Variants in GPR78 observed in about 807,000 individuals in gnomAD.
The protein encoded by GPR78 is G protein-coupled receptor 78.
In GPR78, 29 loss-of-function variants were observed where a neutral mutation model predicts 17.9. That is an observed-to-expected ratio of 1.62 (90% confidence interval 1.20 to 2.21). The LOEUF (loss-of-function observed/expected upper bound fraction) is 2.21, where lower values mean the gene tolerates loss of function less well. Ranked by LOEUF, GPR78 falls within the 30% of genes most tolerant of loss-of-function variation. The pLI, the probability that GPR78 is intolerant of heterozygous loss-of-function variation, is 0.00. For synonymous variants in GPR78, 349 were observed against 256.9 expected, an observed-to-expected ratio of 1.36 and a Z score of -3.43; for missense variants, 649 against 530.5, an observed-to-expected ratio of 1.22 and a Z score of -2.19.
rs142529358 is a variant in GPR78 at position 8,588,073 on chromosome 4, C to T, written c.*710C>T. On this transcript the variant is annotated 3_prime_UTR_variant, in exon 3 of 3. Coordinates refer to ENST00000382487, the MANE Select transcript of GPR78 (RefSeq NM_080819.5). ...TGCCAGGGGTTTGGCATCTTGACTG[C>T]GGAAGCTGTGGAGTCTGTGTGCTCA... Among the ~76,000 whole-genome samples the T allele has an allele frequency of 3.9e-5, 6 of 152,322 alleles. No homozygotes were observed. The highest frequency in any genetic ancestry group is 1.9e-4 in the East Asian group (1 of 5,176).
chr4:8,588,641 T>C lies in GPR78; in HGVS notation c.*1278T>C, dbSNP rs1713613258. Among the ~76,000 whole-genome samples the C allele has an allele frequency of 6.6e-6, 1 of 152,246 alleles. No individual in the cohort carries two copies. The highest frequency in any genetic ancestry group is 2.1e-4 in the South Asian group (1 of 4,834). On this transcript the variant is annotated 3_prime_UTR_variant, in exon 3 of 3. Transcript: ENST00000382487. ...CAGGCCCCTGCCTCATGGGACTCTC[T>C]GATGGGCTTCAACCGTGGGCTCTTG...
Position 8,582,547 on chromosome 4 carries a change from C to T in GPR78, c.685C>T (p.Leu229Phe). The change falls in exon 2 of 3, where the codon CTC becomes TTC. Residue 229 changes from leucine to phenylalanine, a missense_variant. Coordinates refer to ENST00000382487, the MANE Select transcript of GPR78 (RefSeq NM_080819.5). ...DLHPSVRQRC[L>F]IQQKRRRHRA... is the part of the protein sequence containing the mutation. ...TCCCCACAGTGTGCGGCAGCGCTGC[C>T]TCATCCAGCAGAAGCGGCGCCGCCA... 6.2e-7 allele frequency: 1 copy of T among 1,609,010 alleles called. No individual in the cohort carries two copies. The highest frequency in any genetic ancestry group is 8.5e-7 in the Non-Finnish European group (1 of 1,179,190).
Position 8,587,229 on chromosome 4 carries a change from G to A in GPR78, c.958G>A (p.Ala320Thr), listed in dbSNP as rs1297357977. ...GCTGCTGAAGAGAACCCCGCGCCCAGCATCCACCCATGACAGCTCTCTGGA... is the reference window on the plus strand; with the variant it reads ...GCTGCTGAAGAGAACCCCGCGCCCAACATCCACCCATGACAGCTCTCTGGA... ...HRLLKRTPRPASTHDSSLDVA... is the reference protein window; with the variant it reads ...HRLLKRTPRPTSTHDSSLDVA... The change falls in exon 3 of 3, where the codon GCA becomes ACA. Residue 320 changes from alanine to threonine, a missense_variant. Transcript: ENST00000382487. 2 of 1,606,634 alleles carry A rather than the reference G, an allele frequency of 1.2e-6. No homozygotes were observed. Among genetic ancestry groups the A allele is most frequent in the East Asian group, 2.2e-5 (1 of 44,834 alleles).
rs981681676 is a variant in GPR78 at position 8,580,784 on chromosome 4, G to C, written c.-199G>C. 5.8e-5 allele frequency: 35 copies of C among 602,110 alleles called. No homozygotes were observed. The African/African-American group carries it at 6.5e-4, about 11-fold the overall frequency. The allele number at this position is 602,110 out of a possible 1,614,324, so 37.3% of individuals were successfully genotyped here. On this transcript the variant is annotated 5_prime_UTR_variant, in exon 1 of 3. Transcript: ENST00000382487. ...CCCCGGGCTGCTCCTGCTCCGCAGA[G>C]CTACGCCCTCCCCCCGGGTGCCCCG...
Position 8,587,957 on chromosome 4 carries a change from G to A in GPR78, c.*594G>A, listed in dbSNP as rs1401297196. ...CCCTGGGACATGCCCATCTCTGGAA[G>A]CCTAGGGGTCCCCAGCTCCAGGCCT... On this transcript the variant is annotated 3_prime_UTR_variant, in exon 3 of 3. Transcript: ENST00000382487. 6.6e-6 allele frequency among the ~76,000 whole-genome samples: 1 copy of A among 152,210 alleles called. No individual in the cohort carries two copies. The highest frequency in any genetic ancestry group is 1.5e-5 in the Non-Finnish European group (1 of 68,032).
intron 1 of GPR78, 115 bp from the exon 2 acceptor site, chr4:8,582,416 G>A: frequency 1.5e-6 from 1 of 682,894 alleles, no homozygotes; most frequent in Non-Finnish European, 2.6e-6. Context: ...TCAGGTTCCA[G>A]GCTAAACATC....
At position 8,580,973 on chromosome 4, in the gene GPR78, C is replaced by T. The variant is rs376192309; in HGVS notation, c.-10C>T. The stretch of plus-strand genomic sequence containing the variant: ...GAGAACCCCAGGGTGCCTGGCGAGC[C>T]GCTAGCGCCATGGGCCCCGGCGAGG... On this transcript the variant is annotated 5_prime_UTR_variant, in exon 1 of 3. Coordinates refer to ENST00000382487, the MANE Select transcript of GPR78 (RefSeq NM_080819.5). 3.5e-5 allele frequency: 54 copies of T among 1,557,880 alleles called. No homozygotes were observed. The highest frequency in any genetic ancestry group is 1.1e-4 in the African/African-American group (8 of 73,710).
At chr4:8,584,345 A>G (rs1030718198) in intron 2 of GPR78, among the ~76,000 whole-genome samples, 4 of 152,152 alleles carry the variant, frequency 2.6e-5, no homozygotes, top group African/African-American at 9.7e-5. Flanking sequence ...ATCCCAAACA[A>G]AGTCATGAAG....
rs1264331484 is a variant in GPR78 at position 8,582,528 on chromosome 4, CAG to C, written c.669-2_669-1del. 6.3e-7 allele frequency: 1 copy of C among 1,598,484 alleles called. No individual in the cohort carries two copies. The highest frequency in any genetic ancestry group is 2.2e-5 in the East Asian group (1 of 44,844). The stretch of plus-strand genomic sequence containing the variant: ...TCCTGACCACTGTCCTCTGTCCCCA[CAG>C]TGTGCGGCAGCGCTGCCTCATCCAG... On this transcript the variant is annotated splice_acceptor_variant, in intron 1 of 2. Transcript: ENST00000382487. LOFTEE classifies it high-confidence loss of function.
At chr4:8,584,136 T>C (rs1407286375) in intron 2 of GPR78, among the ~76,000 whole-genome samples, 1 of 152,186 alleles carries the variant, frequency 6.6e-6, no homozygotes, top group Non-Finnish European at 1.5e-5. Flanking sequence ...TACATATGTG[T>C]AGAAGGTGAG....
chr4:8,582,980 A>C, intron 2 of GPR78: 1 of 196,376 alleles, frequency 5.1e-6, no homozygotes. Context: ...CAGACTCCGC[A>C]TCTCCTGGGC....
In GPR78 at chr4:8,581,633, C is replaced by A; in HGVS notation, c.651C>A (p.Leu217=). ...DTVTMKALAL[L]ADLHPSVRQR... Reference sequence around the variant, plus strand: ...TCACCATGAAGGCGCTCGCGCTGCTCGCCGACCTGCACCCCAGGTATTGGC... The same window carrying A: ...TCACCATGAAGGCGCTCGCGCTGCTAGCCGACCTGCACCCCAGGTATTGGC... The change falls in exon 1 of 3, where the codon CTC becomes CTA. Residue 217 remains leucine, a synonymous_variant. Transcript: ENST00000382487. 1 of 1,486,550 alleles carries A rather than the reference C, an allele frequency of 6.7e-7. No individual in the cohort carries two copies. The allele number at this position is 1,486,550 out of a possible 1,614,324, so 92.1% of individuals were successfully genotyped here.
At position 8,589,652 on chromosome 4, in the gene GPR78, C is replaced by T. The variant is rs930540324; in HGVS notation, c.*2289C>T. Among the ~76,000 whole-genome samples the T allele has an allele frequency of 2.6e-5, 4 of 152,258 alleles. No individual in the cohort carries two copies. Among genetic ancestry groups the T allele is most frequent in the Non-Finnish European group, 5.9e-5 (4 of 68,048 alleles). On this transcript the variant is annotated 3_prime_UTR_variant, in exon 3 of 3. Coordinates refer to ENST00000382487, the MANE Select transcript of GPR78 (RefSeq NM_080819.5). ...GGGCCTACACTCTGTGTTATTGCAT[C>T]TCCGCCAGGCTAAAAGCCTTGGTCA...
At position 8,581,566 on chromosome 4, in the gene GPR78, T is replaced by G; in HGVS notation, c.584T>G (p.Val195Gly). 3 of 1,579,882 alleles carry G rather than the reference T, an allele frequency of 1.9e-6. No homozygotes were observed. In the South Asian group the frequency reaches 3.4e-5, roughly 18 times the overall value. ...GTGCTCTGCCTCACCTCGCTCCAGG[T>G]GCACCGGGTGGCACGCAGACACTGC... ...LAVLCLTSLQVHRVARRHCQR... is the reference protein window; with the variant it reads ...LAVLCLTSLQGHRVARRHCQR... The change falls in exon 1 of 3, where the codon GTG (valine) becomes GGG (glycine). Residue 195 changes from valine to glycine, a missense_variant. By Grantham distance (109) the Val-to-Gly change is moderately radical (BLOSUM62 -3). Coordinates refer to ENST00000382487, the MANE Select transcript of GPR78 (RefSeq NM_080819.5).
In GPR78 at chr4:8,587,138, C is replaced by T. The variant is rs143856066; in HGVS notation, c.867C>T (p.Ala289=). Residue 289 remains alanine, a synonymous_variant, in exon 3 of 3, where the codon GCC becomes GCT. Transcript: ENST00000382487. ...SKCLTYSKAV[A]DPFTYSLLRR... ...GCCTGACCTACAGCAAGGCGGTGGCCGACCCGTTCACGTACTCTCTGCTCC... is the reference window on the plus strand; with the variant it reads ...GCCTGACCTACAGCAAGGCGGTGGCTGACCCGTTCACGTACTCTCTGCTCC... 109 of 1,613,400 alleles carry T rather than the reference C, an allele frequency of 6.8e-5. No homozygotes were observed. The highest frequency in any genetic ancestry group is 5.3e-4 in the African/African-American group (40 of 75,066).
In GPR78 at chr4:8,580,737, G is replaced by C. The variant is rs1236693274; in HGVS notation, c.-246G>C. 2.0e-5 allele frequency: 11 copies of C among 549,700 alleles called. No individual in the cohort carries two copies. The highest frequency in any genetic ancestry group is 1.6e-4 in the African/African-American group (8 of 50,150). 34.1% of individuals were successfully genotyped at this position (549,700 alleles called of 1,614,324 possible). ...CATTCAGCACCCTGGACAGCACCGC[G>C]GTTGCGCTGCCTCCAGGGCGGCCCC... On this transcript the variant is annotated 5_prime_UTR_variant, in exon 1 of 3. Transcript: ENST00000382487.
rs993519514 is a variant in GPR78, at chr4:8,588,152, C to A, written c.*789C>A. On this transcript the variant is annotated 3_prime_UTR_variant, in exon 3 of 3. Coordinates refer to ENST00000382487, the MANE Select transcript of GPR78 (RefSeq NM_080819.5). ...AGCATGTGACCTCTGTTTCCTCCCC[C>A]TGAAGGCCACCGCTGGGCCTCTGGA... Among the ~76,000 whole-genome samples, 2 of 152,220 alleles carry A rather than the reference C, an allele frequency of 1.3e-5. No homozygotes were observed. Among genetic ancestry groups the A allele is most frequent in the Non-Finnish European group, 2.9e-5 (2 of 68,034 alleles).
chr4:8,581,918 G>T (rs576561115), intron 1 of GPR78, among the ~76,000 whole-genome samples: 112 of 152,288 alleles, frequency 7.4e-4, no homozygotes, highest in African/African-American at 2.6e-3. Flanking sequence ...GGGGTTCCGC[G>T]GGCTCTGCTG....
chr4:8,587,692 G>A lies in GPR78; in HGVS notation c.*329G>A. Reference sequence around the variant, plus strand: ...AGGGAAGTGCCCTGTGTGGCATATGGTACTCGTGGGCGTGCTATAAGTGAC... The same window carrying A: ...AGGGAAGTGCCCTGTGTGGCATATGATACTCGTGGGCGTGCTATAAGTGAC... On this transcript the variant is annotated 3_prime_UTR_variant, in exon 3 of 3. Transcript: ENST00000382487. 1 of 414,668 alleles carries A rather than the reference G, an allele frequency of 2.4e-6. No homozygotes were observed. The highest frequency in any genetic ancestry group is 3.0e-5 in the South Asian group (1 of 33,286). The allele number at this position is 414,668 out of a possible 1,614,324, so 25.7% of individuals were successfully genotyped here. A position where few individuals can be genotyped will look rare whatever the true frequency, so the allele number is the denominator to read the frequency against.
Sources: gnomAD v4.1 joint callset for allele counts (sites outside exome capture counted in the v4.1 genomes callset) on GRCh38, gnomAD v4.1.1 for gene constraint, MANE v1.5 for transcripts, NCBI Gene and HGNC (gene_info 2026-07-23, HGNC 2026-07-21) for gene names.